SNX11: variants seen among roughly 807,000 people sequenced by gnomAD.
SNX11 encodes sorting nexin-11.
Under a neutral mutation model 30.7 loss-of-function variants are expected in SNX11, and 19 were observed. The observed-to-expected ratio is 0.62, with a 90% CI of 0.43 to 0.91. The LOEUF (loss-of-function observed/expected upper bound fraction) is 0.91. Ranked by LOEUF, SNX11 falls within the 40% of genes least tolerant of loss-of-function variation. The pLI, the probability that SNX11 is intolerant of heterozygous loss-of-function variation, is 0.00. For missense variants in SNX11, 302 were observed against 326.7 expected (o/e 0.92, Z 0.58); for synonymous variants, 112 against 119.0 (o/e 0.94, Z 0.38).
At chr17:48,110,738 A>G (rs1460554840) in intron 1 of SNX11, 2 of 152,692 alleles carry the variant, frequency 1.3e-5, no homozygotes, top group Admixed American at 6.5e-5. Context: ...TTGGCAGTAC[A>G]TATTGGCTGA....
At chr17:48,118,420 A>G (rs1298531327) in intron 4 of SNX11, among the ~76,000 whole-genome samples, 8 of 152,118 alleles carry the variant, frequency 5.3e-5, no homozygotes, top group Admixed American at 5.2e-4. Context: ...TCTATTAAAA[A>G]TACAAAAAAT....
intron 6 of SNX11, among the ~76,000 whole-genome samples, chr17:48,120,859 T>C (rs11079809): frequency 0.73 from 109,196 of 150,286 alleles, 40,428 homozygotes; most frequent in Admixed American, 0.81. Context: ...GTTACCCAGG[T>C]TGGTCTCCAC....
In SNX11 at chr17:48,118,697, T is replaced by C. The variant is rs368947734; in HGVS notation, c.231-7T>C. 24 of 1,610,048 alleles carry C rather than the reference T, an allele frequency of 1.5e-5. No individual in the cohort carries two copies. Among genetic ancestry groups the C allele is most frequent in the Non-Finnish European group, 1.9e-5 (22 of 1,176,640 alleles). ...TATCATGGGTGTTATATCATGTGGCTGCACAGGCCTGTTCCTGAACTTCCT... is the reference window on the plus strand; with the variant it reads ...TATCATGGGTGTTATATCATGTGGCCGCACAGGCCTGTTCCTGAACTTCCT... On this transcript the variant is annotated splice_polypyrimidine_tract_variant and splice_region_variant and intron_variant, in intron 4 of 6. Coordinates refer to ENST00000359238, the MANE Select transcript of SNX11 (RefSeq NM_013323.3).
intron 4 of SNX11, among the ~76,000 whole-genome samples, chr17:48,116,336 C>T (rs1220366894): frequency 1.3e-5 from 2 of 152,254 alleles, no homozygotes; most frequent in East Asian, 3.9e-4. Flanking sequence ...CCCACTTCAG[C>T]CTCCCAAGTA....
At chr17:48,118,254 G>A (rs1391973272) in intron 4 of SNX11, among the ~76,000 whole-genome samples, 1 of 152,068 alleles carries the variant, frequency 6.6e-6, no homozygotes, top group Non-Finnish European at 1.5e-5. Flanking sequence ...TTGACACTTG[G>A]CATGCAGTCA....
At position 48,121,349 on chromosome 17, in the gene SNX11, G is replaced by A; in HGVS notation, c.654G>A (p.Leu218=). The part of the protein sequence containing the change: ...APVVDSEVPS[L]ESPTLPPLSS... ...TTGTTGACTCTGAGGTTCCTTCCTT[G>A]GAAAGTCCCACTCTCCCACCCCTCT... Residue 218 remains leucine, a synonymous_variant, in exon 7 of 7, where the codon TTG becomes TTA. Coordinates refer to ENST00000359238, the MANE Select transcript of SNX11 (RefSeq NM_013323.3). 2 of 1,614,108 alleles carry A rather than the reference G, an allele frequency of 1.2e-6. No homozygotes were observed. Among genetic ancestry groups the A allele is most frequent in the Non-Finnish European group, 8.5e-7 (1 of 1,180,030 alleles).
chr17:48,110,556 T>C (rs981776360), intron 1 of SNX11, among the ~76,000 whole-genome samples: 1 of 152,222 alleles, frequency 6.6e-6, no homozygotes, highest in East Asian at 1.9e-4. Flanking sequence ...GGAAACTCAT[T>C]ACACAGTGTT....
chr17:48,120,669 C>T lies in SNX11; in HGVS notation c.540-566C>T, dbSNP rs570960033. On this transcript the variant is annotated intron_variant, in intron 6 of 6. Transcript: ENST00000359238. ...GACTACAGGCGCCCGCCACCATGCC[C>T]GGCTAATTTTTTTTGTATTTTTAGT... 1.8e-4 allele frequency among the ~76,000 whole-genome samples: 27 copies of T among 151,672 alleles called. No homozygotes were observed. In the East Asian group the frequency reaches 4.9e-3, roughly 27 times the overall value.
At position 48,119,185 on chromosome 17, in the gene SNX11, A is replaced by C; in HGVS notation, c.538A>C (p.Ser180Arg). The C allele has an allele frequency of 6.2e-7, 1 of 1,610,900 alleles. No individual in the cohort carries two copies. The highest frequency in any genetic ancestry group is 8.5e-7 in the Non-Finnish European group (1 of 1,177,450). ...SHLAKGDQPK[S>R]CCFLPRSGRR... ...CCTGGCTAAAGGAGACCAGCCTAAG[A>C]GGTAACTGGAGTACTCTTTGAGATA... The change falls in exon 6 of 7, where the codon AGT (serine) becomes CGT (arginine). Residue 180 changes from serine (S) to arginine (R), a missense_variant and splice_region_variant. Physicochemically the swap from Ser to Arg is moderately radical, Grantham distance 110. Transcript: ENST00000359238.
intron 6 of SNX11, 72 bp downstream of exon 6, chr17:48,119,258 T>C: frequency 8.6e-7 from 1 of 1,161,818 alleles, no homozygotes; most frequent in Non-Finnish European, 1.3e-6. Context: ...TGTCCATTTG[T>C]TAGGGAAAGT....
intron 1 of SNX11, among the ~76,000 whole-genome samples, chr17:48,109,756 T>G (rs1286439381): frequency 6.6e-6 from 1 of 152,092 alleles, no homozygotes; most frequent in African/African-American, 2.4e-5. Context: ...TTTTTTATTT[T>G]TAGTAGAGAC....
chr17:48,114,375 A>G (rs2063522693), intron 4 of SNX11, among the ~76,000 whole-genome samples: 1 of 150,114 alleles, frequency 6.7e-6, no homozygotes, highest in Admixed American at 6.6e-5. Flanking sequence ...CTGGTCTCGA[A>G]CTCCTAACCT....
chr17:48,118,661 G>A (rs1309899547), intron 4 of SNX11, 43 bp from the exon 5 acceptor site: 7 of 1,373,170 alleles, frequency 5.1e-6, no homozygotes, highest in Non-Finnish European at 6.2e-6. Context: ...GACTATCTTA[G>A]ATGTTACACT....
intron 4 of SNX11, among the ~76,000 whole-genome samples, chr17:48,115,878 C>G (rs766843118): frequency 6.6e-6 from 1 of 150,712 alleles, no homozygotes; most frequent in East Asian, 1.9e-4. Flanking sequence ...AACTCCGTTC[C>G]CCTGACAAAT....
rs2063603992 is a variant in SNX11 at position 48,121,650 on chromosome 17, G to A, written c.*142G>A. Reference sequence around the variant, plus strand: ...CCTCTGCTTGGGCTGATTGACAGAGGTCAGTCATTACAGCCCCTTATGCCT... The same window carrying A: ...CCTCTGCTTGGGCTGATTGACAGAGATCAGTCATTACAGCCCCTTATGCCT... On this transcript the variant is annotated 3_prime_UTR_variant, in exon 7 of 7. Coordinates refer to ENST00000359238, the MANE Select transcript of SNX11 (RefSeq NM_013323.3). The A allele has an allele frequency of 2.4e-6, 2 of 829,036 alleles. No homozygotes were observed. The highest frequency in any genetic ancestry group is 3.8e-6 in the Non-Finnish European group (2 of 526,300). 51.4% of individuals were successfully genotyped at this position (829,036 alleles called of 1,614,324 possible). A position where few individuals can be genotyped will look rare whatever the true frequency, so the allele number is the denominator to read the frequency against.
intron 1 of SNX11, 39 bp from the exon 2 acceptor site, chr17:48,111,992 C>T: frequency 4.0e-6 from 6 of 1,482,912 alleles, no homozygotes; most frequent in East Asian, 2.3e-5. Context: ...AGAACAGAGG[C>T]ATACTAACCT....
chr17:48,110,949 A>G (rs528535986), intron 1 of SNX11, among the ~76,000 whole-genome samples: 15 of 152,290 alleles, frequency 9.8e-5, no homozygotes, highest in Admixed American at 4.6e-4. Flanking sequence ...TGCAGCCTTC[A>G]TGGTCCCCTT....
In SNX11 at chr17:48,121,977, C is replaced by G. The variant is rs936476350; in HGVS notation, c.*469C>G. ...TGTTTGTGGGAGGCTGGCCTCTTGC[C>G]TACCTCCTTGCATGGACAGGGGGAT... On this transcript the variant is annotated 3_prime_UTR_variant, in exon 7 of 7. Transcript: ENST00000359238. 3 of 157,990 alleles carry G rather than the reference C, an allele frequency of 1.9e-5. No individual in the cohort carries two copies. Among genetic ancestry groups the G allele is most frequent in the African/African-American group, 7.2e-5 (3 of 41,512 alleles). 9.8% of individuals were successfully genotyped at this position (157,990 alleles called of 1,614,324 possible).
chr17:48,118,364 C>T (rs1012820832), intron 4 of SNX11, among the ~76,000 whole-genome samples: 4 of 151,906 alleles, frequency 2.6e-5, no homozygotes, highest in African/African-American at 7.3e-5. Flanking sequence ...GCAGGGATCA[C>T]GAGGTCAGAT....
Sources: allele counts gnomAD v4.1 joint callset (sites outside exome capture counted in the v4.1 genomes callset), GRCh38; gene constraint gnomAD v4.1.1; transcripts MANE v1.5; gene names NCBI Gene and HGNC (gene_info 2026-07-23, HGNC 2026-07-21).